Variants in BFAR observed in about 807,000 individuals in gnomAD.
The protein encoded by BFAR is bifunctional apoptosis regulator.
A neutral mutation model predicts 54.4 loss-of-function variants in BFAR; 52 were observed. That is an observed-to-expected ratio of 0.96 (90% CI 0.77 to 1.21). BFAR has a LOEUF of 1.21. Among genes scored for constraint, BFAR ranks in the 50% most tolerant of loss-of-function variants. BFAR has a pLI of 0.00. For synonymous variants in BFAR, 215 were observed against 204.3 expected, an observed-to-expected ratio of 1.05 and a Z score of -0.45; for missense variants, 571 against 534.0, an observed-to-expected ratio of 1.07 and a Z score of -0.68.
intron 2 of BFAR, among the ~76,000 whole-genome samples, chr16:14,647,552 A>C (rs573594881): frequency 6.6e-6 from 1 of 152,060 alleles, no homozygotes; most frequent in Non-Finnish European, 1.5e-5. Context: ...GTAATGGCGC[A>C]TGCCCATAAT....
intron 2 of BFAR, among the ~76,000 whole-genome samples, chr16:14,644,993 T>C (rs1959748580): frequency 6.6e-6 from 1 of 152,084 alleles, no homozygotes; most frequent in East Asian, 1.9e-4. Flanking sequence ...AGAAAGAAAG[T>C]CTGGTTAGCA....
Position 14,644,493 on chromosome 16 carries a change from T to A in BFAR, c.147T>A (p.Cys49Ter). The change falls in exon 2 of 8, where the codon TGT becomes TGA. Residue 49 changes from cysteine to a stop codon, truncating the protein, a stop_gained. Coordinates refer to ENST00000261658, the MANE Select transcript of BFAR (RefSeq NM_016561.3). LOFTEE classifies it high-confidence loss of function. ...DILVNPTTLN[C>*]GHSFCRHCLA... ...TGGTTAACCCCACCACCTTGAACTG[T>A]GGGCACAGCTTCTGCCGTCACTGCC... is the stretch of plus-strand genomic sequence containing the variant. The A allele has an allele frequency of 6.2e-7, 1 of 1,614,106 alleles. No homozygotes were observed. The highest frequency in any genetic ancestry group is 8.5e-7 in the Non-Finnish European group (1 of 1,180,014).
chr16:14,649,788 T>C lies in BFAR; in HGVS notation c.469-16T>C. Reference sequence around the variant, plus strand: ...CTGCCTCTCCATGGTTTAAAGTCCCTGTCACTTTTCCCCAGGTGGTCCTGC... The same window carrying C: ...CTGCCTCTCCATGGTTTAAAGTCCCCGTCACTTTTCCCCAGGTGGTCCTGC... On this transcript the variant is annotated splice_polypyrimidine_tract_variant and intron_variant, in intron 3 of 7. Transcript: ENST00000261658. 1.3e-6 allele frequency: 2 copies of C among 1,581,412 alleles called. No homozygotes were observed. The highest frequency in any genetic ancestry group is 1.7e-6 in the Non-Finnish European group (2 of 1,160,176).
chr16:14,644,220 G>A, intron 1 of BFAR, 54 bp from the exon 2 acceptor site: 1 of 946,744 alleles, frequency 1.1e-6, no homozygotes, highest in African/African-American at 1.7e-5. Context: ...TATATTAACT[G>A]CTCTTCAAAC....
intron 4 of BFAR, among the ~76,000 whole-genome samples, chr16:14,652,606 A>G (rs1294665892): frequency 6.6e-6 from 1 of 152,036 alleles, no homozygotes; most frequent in East Asian, 1.9e-4. Flanking sequence ...TTTTAAAAAA[A>G]TAATAACTAT....
chr16:14,652,911 C>T (rs117153978), intron 4 of BFAR, among the ~76,000 whole-genome samples: 2 of 152,302 alleles, frequency 1.3e-5, no homozygotes, highest in Non-Finnish European at 2.9e-5. Flanking sequence ...TGCCTGGCTG[C>T]CTGACTGCCA....
intron 4 of BFAR, 142 bp from the exon 5 acceptor site, chr16:14,654,924 C>G (rs981457421): frequency 2.4e-6 from 2 of 835,852 alleles, no homozygotes; most frequent in Non-Finnish European, 3.5e-6. Flanking sequence ...CAATTATTTG[C>G]TGCTCTTGAT....
chr16:14,644,216 A>T, intron 1 of BFAR, 58 bp from the exon 2 acceptor site: 2 of 926,968 alleles, frequency 2.2e-6, no homozygotes, highest in Non-Finnish European at 3.3e-6. Context: ...CTTTTATATT[A>T]ACTGCTCTTC....
Position 14,667,818 on chromosome 16 carries a change from G to C in BFAR, c.1344G>C (p.Gln448His). Residue 448 changes from glutamine (Q) to histidine (H), a missense_variant, in exon 8 of 8, where the codon CAG becomes CAC. Coordinates refer to ENST00000261658, the MANE Select transcript of BFAR (RefSeq NM_016561.3). Reference sequence around the variant, plus strand: ...AGGAACTCCGGCGGCTGGAAACCCAGGTGTTGTGACTGGCACTGCCCAGGC... The same window carrying C: ...AGGAACTCCGGCGGCTGGAAACCCACGTGTTGTGACTGGCACTGCCCAGGC... ...VVKELRRLET[Q>H]VL 3 of 1,614,086 alleles carry C rather than the reference G, an allele frequency of 1.9e-6. No homozygotes were observed. The highest frequency in any genetic ancestry group is 2.5e-6 in the Non-Finnish European group (3 of 1,179,970).
chr16:14,651,880 ATTTTTTT>A (rs35251866), intron 4 of BFAR, among the ~76,000 whole-genome samples: 15 of 111,160 alleles, frequency 1.3e-4, no homozygotes, highest in Admixed American at 1.3e-3. Flanking sequence ...GACATGCCCA[ATTTTTTT>A]TTTTTTTTTT....
intron 6 of BFAR, among the ~76,000 whole-genome samples, chr16:14,664,046 C>T (rs1305293308): frequency 2.0e-5 from 3 of 152,064 alleles, no homozygotes; most frequent in Non-Finnish European, 2.9e-5. Context: ...GTTTCAAGAC[C>T]AGCCTGGCCA....
At chr16:14,638,606 A>G (rs1446453034) in intron 1 of BFAR, among the ~76,000 whole-genome samples, 3 of 152,238 alleles carry the variant, frequency 2.0e-5, no homozygotes, top group Non-Finnish European at 4.4e-5. Flanking sequence ...ACAATTTCTA[A>G]AGAGTTAACA....
intron 5 of BFAR, among the ~76,000 whole-genome samples, chr16:14,655,447 G>T (rs1448591403): frequency 6.6e-6 from 1 of 150,416 alleles, no homozygotes; most frequent in African/African-American, 2.4e-5. Flanking sequence ...TCAGCCTCCA[G>T]AGTAGCTGGG....
intron 1 of BFAR, among the ~76,000 whole-genome samples, chr16:14,643,619 AATT>A (rs1168338440): frequency 6.6e-6 from 1 of 152,030 alleles, no homozygotes; most frequent in Non-Finnish European, 1.5e-5. Context: ...AAATACAAAA[AATT>A]ACCCGGGCAT....
intron 1 of BFAR, among the ~76,000 whole-genome samples, chr16:14,640,193 G>A (rs1022269641): frequency 3.0e-4 from 46 of 151,450 alleles, no homozygotes; most frequent in African/African-American, 1.1e-3. Context: ...AGGAAAGCTC[G>A]AAGCTGACAG....
intron 4 of BFAR, among the ~76,000 whole-genome samples, chr16:14,651,880 A>AT (rs35251866): frequency 0.016 from 1,802 of 111,160 alleles, 50 homozygotes; most frequent in East Asian, 0.11. Context: ...GACATGCCCA[A>AT]TTTTTTTTTT....
chr16:14,649,886 C>A lies in BFAR; in HGVS notation c.551C>A (p.Ala184Glu). Residue 184 changes from alanine (A) to glutamate (E), a missense_variant, in exon 4 of 8, where the codon GCG (alanine) becomes GAG (glutamate). Physicochemically the swap from Ala to Glu is moderately radical, Grantham distance 107. Transcript: ENST00000261658. ...LVHKAVAKWTAEEVVLWLEQL... is the reference protein window; with the variant it reads ...LVHKAVAKWTEEEVVLWLEQL... ...CACAAGGCTGTGGCCAAATGGACGGCGGAAGAAGTTGTCCTCTGGCTGGAG... is the reference window on the plus strand; with the variant it reads ...CACAAGGCTGTGGCCAAATGGACGGAGGAAGAAGTTGTCCTCTGGCTGGAG... The A allele has an allele frequency of 6.2e-7, 1 of 1,613,378 alleles. No homozygotes were observed. The highest frequency in any genetic ancestry group is 8.5e-7 in the Non-Finnish European group (1 of 1,179,606).
chr16:14,638,632 G>A (rs1291962821), intron 1 of BFAR, among the ~76,000 whole-genome samples: 9 of 152,290 alleles, frequency 5.9e-5, no homozygotes, highest in Admixed American at 2.0e-4. Context: ...TACATCACAA[G>A]ATCTTTATAA....
At position 14,666,915 on chromosome 16, in the gene BFAR, C is replaced by T. The variant is rs368991168; in HGVS notation, c.1161-720C>T. ...TACAGCCTAGCAAAGAAAATATGTA[C>T]GTTAAAAAATAGATGGTCAGGCACC... On this transcript the variant is annotated intron_variant, in intron 7 of 7. Transcript: ENST00000261658. Among the ~76,000 whole-genome samples, 7 of 152,096 alleles carry T rather than the reference C, an allele frequency of 4.6e-5. 1 individual carries two copies. The highest frequency in any genetic ancestry group is 6.8e-3 in the Middle Eastern group (2 of 294).
Sources: gnomAD v4.1 joint callset for allele counts (sites outside exome capture counted in the v4.1 genomes callset) on GRCh38, gnomAD v4.1.1 for gene constraint, MANE v1.5 for transcripts, NCBI Gene and HGNC (gene_info 2026-07-23, HGNC 2026-07-21) for gene names.